Variants in TRPC3 observed in about 807,000 individuals in gnomAD.
The protein encoded by TRPC3 is short transient receptor potential channel 3.
Under a neutral mutation model 90.9 loss-of-function variants are expected in TRPC3, and 54 were observed. The ratio of observed to expected loss-of-function variants is 0.59; its 90% CI spans 0.48 to 0.75. The LOEUF is 0.75. Ranked by LOEUF, TRPC3 falls within the 30% of genes least tolerant of loss-of-function variation. The pLI is 0.00. For missense variants in TRPC3, 918 were observed against 1,194.5 expected (o/e 0.77, Z 3.41); for synonymous variants, 424 against 450.9 (o/e 0.94, Z 0.75).
intron 3 of TRPC3, 48 bp from the exon 4 acceptor site, chr4:121,914,992 C>T: frequency 2.0e-6 from 3 of 1,508,880 alleles, no homozygotes; most frequent in Non-Finnish European, 2.7e-6. Flanking sequence ...GGTAAGTTAC[C>T]ATACCATTGT....
chr4:121,927,177 G>A (rs1462173116), intron 2 of TRPC3, among the ~76,000 whole-genome samples: 1 of 152,114 alleles, frequency 6.6e-6, no homozygotes, highest in African/African-American at 2.4e-5. Context: ...CAGGCCACTG[G>A]AACTAACACA....
At chr4:121,947,401 C>T (rs1730529379) in intron 1 of TRPC3, among the ~76,000 whole-genome samples, 1 of 152,076 alleles carries the variant, frequency 6.6e-6, no homozygotes, top group Non-Finnish European at 1.5e-5. Context: ...GGAAGTCCTG[C>T]TTCCAGTCTA....
chr4:121,895,927 C>G (rs1267428704), intron 10 of TRPC3, among the ~76,000 whole-genome samples: 1 of 151,844 alleles, frequency 6.6e-6, no homozygotes, highest in Non-Finnish European at 1.5e-5. Flanking sequence ...TGTAAAAATC[C>G]TCAATAAAAT....
chr4:121,946,314 A>C (rs1426364214), intron 1 of TRPC3, among the ~76,000 whole-genome samples: 1 of 152,206 alleles, frequency 6.6e-6, no homozygotes, highest in Admixed American at 6.5e-5. Flanking sequence ...GGGGAAAAAA[A>C]GACCTCATAC....
intron 1 of TRPC3, among the ~76,000 whole-genome samples, chr4:121,940,899 G>C (rs1230970344): frequency 6.6e-6 from 1 of 152,000 alleles, no homozygotes; most frequent in Non-Finnish European, 1.5e-5. Flanking sequence ...TATCTCTACT[G>C]TACCTAATAC....
In TRPC3 at chr4:121,910,618, C is replaced by T. The variant is rs549343584; in HGVS notation, c.1559-231G>A. On this transcript the variant is annotated intron_variant, in intron 5 of 11. Coordinates refer to ENST00000379645, the MANE Select transcript of TRPC3 (RefSeq NM_001130698.2). Reference sequence around the variant, plus strand: ...CCCACCACACTAGAATTTGGAGAAGCGGTCCACATGTGGCACCAGAGATGT... The same window carrying T: ...CCCACCACACTAGAATTTGGAGAAGTGGTCCACATGTGGCACCAGAGATGT... Among the ~76,000 whole-genome samples, 19 of 152,122 alleles carry T rather than the reference C, an allele frequency of 1.2e-4. No individual in the cohort carries two copies. In the East Asian group the frequency reaches 3.5e-3, roughly 28 times the overall value.
chr4:121,890,967 G>T (rs1040555033), intron 10 of TRPC3, among the ~76,000 whole-genome samples: 2 of 151,538 alleles, frequency 1.3e-5, no homozygotes, highest in South Asian at 4.2e-4. Flanking sequence ...CTCCAGCCTG[G>T]GTGACACAGC....
At chr4:121,919,845 A>AT (rs1290448947) in intron 3 of TRPC3, among the ~76,000 whole-genome samples, 1 of 152,174 alleles carries the variant, frequency 6.6e-6, no homozygotes, top group Non-Finnish European at 1.5e-5. Flanking sequence ...AGTTTTCCAG[A>AT]TTCAGTGGTC....
intron 11 of TRPC3, among the ~76,000 whole-genome samples, chr4:121,881,242 G>A (rs1727932284): frequency 6.6e-6 from 1 of 152,128 alleles, no homozygotes; most frequent in Non-Finnish European, 1.5e-5. Context: ...TTAATTAAAT[G>A]AGGAGATTAT....
chr4:121,903,861 T>C (rs112217939), intron 8 of TRPC3, among the ~76,000 whole-genome samples: 144 of 152,214 alleles, frequency 9.5e-4, no homozygotes, highest in African/African-American at 3.3e-3. Flanking sequence ...AAAACATATA[T>C]ACAACAGTGA....
At chr4:121,950,217 T>C (rs1730658642) in intron 1 of TRPC3, among the ~76,000 whole-genome samples, 1 of 152,212 alleles carries the variant, frequency 6.6e-6, no homozygotes, top group South Asian at 2.1e-4. Context: ...CAGCCACTGA[T>C]TGTGTTCCTG....
At chr4:121,880,107 G>C (rs1213258851) in intron 11 of TRPC3, among the ~76,000 whole-genome samples, 2 of 152,074 alleles carry the variant, frequency 1.3e-5, no homozygotes, top group Non-Finnish European at 2.9e-5. Context: ...GTAACACTCA[G>C]CTTAAAGTAT....
In TRPC3 at chr4:121,907,632, A is replaced by T. The variant is rs180961013; in HGVS notation, c.1793-65T>A. On this transcript the variant is annotated intron_variant, in intron 6 of 11. Coordinates refer to ENST00000379645, the MANE Select transcript of TRPC3 (RefSeq NM_001130698.2). ...TATTCATTGCCAACTACGCAAAGCA[A>T]ATACCTTAAATAGGATCTATCTTGT... The T allele has an allele frequency of 2.0e-5, 30 of 1,512,592 alleles. No homozygotes were observed. The African/African-American group carries it at 3.2e-4, about 16-fold the overall frequency. 93.7% of individuals were successfully genotyped at this position (1,512,592 alleles called of 1,614,324 possible).
chr4:121,896,920 A>G (rs1257425562), intron 10 of TRPC3, among the ~76,000 whole-genome samples: 1 of 152,106 alleles, frequency 6.6e-6, no homozygotes, highest in Non-Finnish European at 1.5e-5. Flanking sequence ...AACCAAAACT[A>G]CACGGTACTG....
In TRPC3 at chr4:121,951,313, C is replaced by T. The variant is rs149301881; in HGVS notation, c.215+153G>A. 1.2e-3 allele frequency among the ~76,000 whole-genome samples: 177 copies of T among 152,150 alleles called. 3 individuals carry two copies. In the East Asian group the frequency reaches 0.03, roughly 25 times the overall value. On this transcript the variant is annotated intron_variant, in intron 1 of 11. Transcript: ENST00000379645. This position sits in a 1 kb window ranked among gnomAD's most constrained non-coding sequence, Gnocchi z 4.4. ...GGGCGAGCCTCCGGCCGAGGTCTGT[C>T]CCCTCCAAATCACTCCAAATCGAAC...
intron 3 of TRPC3, among the ~76,000 whole-genome samples, chr4:121,922,488 T>C (rs1729556154): frequency 6.6e-6 from 1 of 152,226 alleles, no homozygotes. Flanking sequence ...TTTTTGTTGT[T>C]GCCTGATGGT....
intron 10 of TRPC3, among the ~76,000 whole-genome samples, chr4:121,895,900 T>A (rs1447577839): frequency 2.0e-5 from 3 of 151,904 alleles, no homozygotes; most frequent in Non-Finnish European, 4.4e-5. Flanking sequence ...CAGGCCAATA[T>A]CCCTGATGAA....
At chr4:121,936,903 C>G (rs984652992) in intron 1 of TRPC3, among the ~76,000 whole-genome samples, 1 of 152,172 alleles carries the variant, frequency 6.6e-6, no homozygotes, top group African/African-American at 2.4e-5. Flanking sequence ...TGAATGAAGA[C>G]ACTGACAATA....
chr4:121,882,743 C>T (rs948989211), intron 10 of TRPC3, among the ~76,000 whole-genome samples: 3 of 152,026 alleles, frequency 2.0e-5, no homozygotes, highest in African/African-American at 2.4e-5. Flanking sequence ...ATTACATTGA[C>T]ACCACATTAT....
Sources: allele counts gnomAD v4.1 joint callset (sites outside exome capture counted in the v4.1 genomes callset), GRCh38; gene constraint gnomAD v4.1.1; non-coding constraint Gnocchi (gnomAD v3.1); transcripts MANE v1.5; gene names NCBI Gene and HGNC (gene_info 2026-07-23, HGNC 2026-07-21).